KCNH1: variants seen among roughly 807,000 people sequenced by gnomAD.
The protein encoded by KCNH1 is potassium voltage-gated channel subfamily H member 1.
A neutral mutation model predicts 69.2 loss-of-function variants in KCNH1; 27 were observed. The ratio of observed to expected loss-of-function variants is 0.39; its 90% CI spans 0.29 to 0.54. The LOEUF (loss-of-function observed/expected upper bound fraction) is 0.54, where lower values mean the gene tolerates loss of function less well. Ranked by LOEUF, KCNH1 falls within the 20% of genes least tolerant of loss-of-function variation. The pLI, the probability that KCNH1 is intolerant of heterozygous loss-of-function variation, is 0.68. For synonymous variants in KCNH1, 456 were observed against 487.7 expected (o/e 0.93, Z 0.86); for missense variants, 798 against 1,261.6 (o/e 0.63, Z 5.57).
intron 6 of KCNH1, among the ~76,000 whole-genome samples, chr1:210,934,109 C>T (rs1466245137): frequency 6.6e-6 from 1 of 152,120 alleles, no homozygotes; most frequent in African/African-American, 2.4e-5. Flanking sequence ...GAAAATGCTT[C>T]AGGACATTAG....
intron 7 of KCNH1, among the ~76,000 whole-genome samples, chr1:210,813,244 C>T (rs903471397): frequency 9.9e-5 from 15 of 152,172 alleles, no homozygotes; most frequent in Admixed American, 6.5e-5. Flanking sequence ...TTTAATTGCA[C>T]AGACTCAAAA....
rs1017503274 is a variant in KCNH1, at chr1:211,104,628, G to GA, written c.204-1027dup. Among the ~76,000 whole-genome samples the GA allele has an allele frequency of 2.6e-5, 4 of 152,078 alleles. No homozygotes were observed. In the East Asian group the frequency reaches 5.8e-4, roughly 22 times the overall value. On this transcript the variant is annotated intron_variant, in intron 2 of 10. Transcript: ENST00000271751. ...GACTAACAAAATGCCAGAGGAGGGG[G>GA]AAAAAAACATCTTTCAATGGGGCTG...
intron 4 of KCNH1, among the ~76,000 whole-genome samples, chr1:211,089,925 T>C (rs1352172547): frequency 6.6e-6 from 1 of 152,234 alleles, no homozygotes; most frequent in Non-Finnish European, 1.5e-5. Flanking sequence ...GTTCCAGAAA[T>C]CCTGAGCCAT....
chr1:211,021,252 C>T (rs1173198252), intron 5 of KCNH1, among the ~76,000 whole-genome samples: 1 of 151,832 alleles, frequency 6.6e-6, no homozygotes, highest in Non-Finnish European at 1.5e-5. Flanking sequence ...CAAATCACCA[C>T]TAAAGAACTT....
chr1:210,879,307 TACAGA>T (rs1393011933), intron 7 of KCNH1, among the ~76,000 whole-genome samples: 1 of 151,922 alleles, frequency 6.6e-6, no homozygotes, highest in Non-Finnish European at 1.5e-5. Flanking sequence ...ACAAAGACAT[TACAGA>T]AAAGTACACT....
At position 210,847,585 on chromosome 1, in the gene KCNH1, TG is replaced by T. The variant is rs1685585645; in HGVS notation, c.1463-43420del. ...TCACACAACGGGGCCTGTTGTGGGG[TG>T]GGGGGAGGGGGGAGAGATAGCATTA... On this transcript the variant is annotated intron_variant, in intron 7 of 10. Transcript: ENST00000271751. 5.3e-5 allele frequency among the ~76,000 whole-genome samples: 3 copies of T among 56,376 alleles called. No individual in the cohort carries two copies. In the South Asian group the frequency reaches 2.0e-3, roughly 38 times the overall value. The allele number at this position is 56,376 out of a possible 152,430, so 37.0% of individuals were successfully genotyped here.
chr1:210,978,888 T>C (rs1467909903), intron 6 of KCNH1, among the ~76,000 whole-genome samples: 1 of 152,218 alleles, frequency 6.6e-6, no homozygotes, highest in Admixed American at 6.5e-5. Context: ...CTGCCTAGAC[T>C]TTCACATGCT....
chr1:210,929,189 A>G (rs979294701), intron 6 of KCNH1, among the ~76,000 whole-genome samples: 1 of 152,154 alleles, frequency 6.6e-6, no homozygotes, highest in Non-Finnish European at 1.5e-5. Context: ...AAGCCAGTAT[A>G]ACCCTACTAC....
At chr1:210,719,993 T>C (rs1682414244) in intron 10 of KCNH1, among the ~76,000 whole-genome samples, 1 of 152,120 alleles carries the variant, frequency 6.6e-6, no homozygotes, top group Non-Finnish European at 1.5e-5. Flanking sequence ...TTTCCTATAT[T>C]CCTCTTAAAT....
intron 5 of KCNH1, among the ~76,000 whole-genome samples, chr1:211,052,005 G>C (rs1027378270): frequency 1.3e-5 from 2 of 152,122 alleles, no homozygotes; most frequent in Admixed American, 1.3e-4. Flanking sequence ...CCCTAAACCT[G>C]ATTTCAGCTA....
At chr1:210,860,866 A>G (rs1247806356) in intron 7 of KCNH1, 1 of 923,858 alleles carries the variant, frequency 1.1e-6, no homozygotes, top group Non-Finnish European at 1.8e-6. Flanking sequence ...CCTTGCTCTC[A>G]TGTAGCCTAG....
intron 5 of KCNH1, among the ~76,000 whole-genome samples, chr1:211,078,531 C>T (rs1690779864): frequency 6.6e-6 from 1 of 151,912 alleles, no homozygotes; most frequent in Non-Finnish European, 1.5e-5. Context: ...GGGTGCATAA[C>T]GAAATGAAGG....
At chr1:210,713,632 A>G (rs769155515) in intron 10 of KCNH1, among the ~76,000 whole-genome samples, 4 of 152,100 alleles carry the variant, frequency 2.6e-5, no homozygotes, top group Non-Finnish European at 4.4e-5. Flanking sequence ...GATGGGGGGA[A>G]GAACATCCCA....
At chr1:210,704,424 G>A (rs763657698) in intron 10 of KCNH1, among the ~76,000 whole-genome samples, 28 of 152,168 alleles carry the variant, frequency 1.8e-4, no homozygotes, top group Non-Finnish European at 3.2e-4. Context: ...CAAGGGTGAT[G>A]CTAAAACCGG....
At chr1:210,758,690 G>C (rs970001648) in intron 10 of KCNH1, among the ~76,000 whole-genome samples, 1 of 152,164 alleles carries the variant, frequency 6.6e-6, no homozygotes, top group Non-Finnish European at 1.5e-5. Flanking sequence ...CTGGAGAGGG[G>C]ATAATATATC....
At chr1:210,800,606 G>A (rs1442449206) in intron 8 of KCNH1, among the ~76,000 whole-genome samples, 2 of 152,118 alleles carry the variant, frequency 1.3e-5, no homozygotes, top group African/African-American at 4.8e-5. Context: ...CATTTCCATC[G>A]TTCTTTCCAT....
At position 210,944,970 on chromosome 1, in the gene KCNH1, T is replaced by C. The variant is rs1687933227; in HGVS notation, c.1033-24901A>G. ...TCCAATCTACTTTCTGTCTCTATGA[T>C]TTTACCTATTCTAGAAACCTATATA... is the stretch of plus-strand genomic sequence containing the variant. On this transcript the variant is annotated intron_variant, in intron 6 of 10. Coordinates refer to ENST00000271751, the MANE Select transcript of KCNH1 (RefSeq NM_172362.3). 2.0e-5 allele frequency among the ~76,000 whole-genome samples: 3 copies of C among 152,218 alleles called. No individual in the cohort carries two copies. The South Asian group carries it at 6.2e-4, about 32-fold the overall frequency.
intron 10 of KCNH1, among the ~76,000 whole-genome samples, chr1:210,730,350 G>A (rs1682713735): frequency 6.6e-6 from 1 of 152,126 alleles, no homozygotes; most frequent in Admixed American, 6.5e-5. Context: ...GTTCCTGGGT[G>A]TCAAAACATG....
At chr1:211,074,986 C>A (rs1690707471) in intron 5 of KCNH1, among the ~76,000 whole-genome samples, 1 of 152,156 alleles carries the variant, frequency 6.6e-6, no homozygotes, top group South Asian at 2.1e-4. Context: ...AGAACTCTGA[C>A]TGATACAGTT....
Sources: gnomAD v4.1 joint callset for allele counts (sites outside exome capture counted in the v4.1 genomes callset) on GRCh38, gnomAD v4.1.1 for gene constraint, MANE v1.5 for transcripts, NCBI Gene and HGNC (gene_info 2026-07-23, HGNC 2026-07-21) for gene names.